Variants in CSMD1 observed in about 807,000 individuals in gnomAD.
CSMD1 encodes CUB and sushi domain-containing protein 1.
In CSMD1, 213 loss-of-function variants were observed where a neutral mutation model predicts 417.5. That is an observed-to-expected ratio of 0.51 (90% CI 0.46 to 0.57). The LOEUF (loss-of-function observed/expected upper bound fraction) is 0.57, where lower values mean the gene tolerates loss of function less well. Ranked by LOEUF, CSMD1 falls within the 20% of genes least tolerant of loss-of-function variation. The probability of loss-of-function intolerance (pLI) is 0.00; values close to 1 mark genes in which losing one functional copy is unlikely to be tolerated. For missense variants in CSMD1, 6,923 were observed against 4,529.7 expected, an observed-to-expected ratio of 1.53 and a Z score of -15.17; for synonymous variants, 2,862 against 1,736.8, an observed-to-expected ratio of 1.65 and a Z score of -16.11.
intron 3 of CSMD1, among the ~76,000 whole-genome samples, chr8:4,236,677 C>G (rs1357501200): frequency 6.6e-6 from 1 of 152,156 alleles, no homozygotes; most frequent in African/African-American, 2.4e-5. Context: ...CTTATTTAAA[C>G]TCTTCAAGCT....
intron 1 of CSMD1, among the ~76,000 whole-genome samples, chr8:4,978,428 G>C (rs1810690321): frequency 6.6e-6 from 1 of 152,110 alleles, no homozygotes; most frequent in Non-Finnish European, 1.5e-5. Context: ...GTATGTTTAA[G>C]TCAAAGAATT....
rs570465641 is a variant in CSMD1 at position 3,299,984 on chromosome 8, C to G, written c.3950+7711G>C. Among the ~76,000 whole-genome samples, 135 of 152,160 alleles carry G rather than the reference C, an allele frequency of 8.9e-4. 1 individual carries two copies. The highest frequency in any genetic ancestry group is 3.2e-3 in the African/African-American group (132 of 41,488). ...AGCAAATGCAGCTCTAGAAATTCAT[C>G]ATGAAAAGTGCCCTGGAGGTGACAC... is the stretch of plus-strand genomic sequence containing the variant. On this transcript the variant is annotated intron_variant, in intron 25 of 69. Transcript: ENST00000635120.
intron 1 of CSMD1, among the ~76,000 whole-genome samples, chr8:4,796,024 G>A (rs1190129233): frequency 2.0e-5 from 3 of 152,112 alleles, no homozygotes; most frequent in Non-Finnish European, 2.9e-5. Context: ...TAAGGGCAAG[G>A]CTTCAGGTAT....
intron 2 of CSMD1, among the ~76,000 whole-genome samples, chr8:4,521,770 A>C (rs545536779): frequency 6.6e-6 from 1 of 152,276 alleles, no homozygotes; most frequent in East Asian, 1.9e-4. Flanking sequence ...AAAGCTCTTC[A>C]CTGGATACTT....
At position 3,531,597 on chromosome 8, in the gene CSMD1, G is replaced by A. The variant is rs147673385; in HGVS notation, c.1345-37871C>T. Among the ~76,000 whole-genome samples, 233 of 152,290 alleles carry A rather than the reference G, an allele frequency of 1.5e-3. 1 individual carries two copies. The highest frequency in any genetic ancestry group is 4.6e-3 in the African/African-American group (190 of 41,560). On this transcript the variant is annotated intron_variant, in intron 10 of 69. Coordinates refer to ENST00000635120, the MANE Select transcript of CSMD1 (RefSeq NM_033225.6). ...CAGGTTCCATCTGTGGTCTGGCCCC[G>A]TGGGAGGCTGGTCCACTCCAGGTTA...
chr8:3,300,939 A>G (rs1804345647), intron 25 of CSMD1, among the ~76,000 whole-genome samples: 1 of 139,042 alleles, frequency 7.2e-6, no homozygotes, highest in Non-Finnish European at 1.5e-5. Context: ...AGCCTGGACA[A>G]CAGAGTGAGA....
At chr8:4,497,365 CA>C (rs1353465731) in intron 2 of CSMD1, among the ~76,000 whole-genome samples, 2 of 152,114 alleles carry the variant, frequency 1.3e-5, no homozygotes, top group African/African-American at 2.4e-5. Flanking sequence ...CCTGGCACTA[CA>C]AAAAAATCAA....
At chr8:4,029,734 T>G (rs1188524427) in intron 4 of CSMD1, among the ~76,000 whole-genome samples, 1 of 152,164 alleles carries the variant, frequency 6.6e-6, no homozygotes, top group East Asian at 1.9e-4. Context: ...CTTAACTTAT[T>G]TCAGCATTAA....
At chr8:4,497,689 C>T (rs758076704) in intron 2 of CSMD1, among the ~76,000 whole-genome samples, 2 of 152,152 alleles carry the variant, frequency 1.3e-5, no homozygotes, top group African/African-American at 4.8e-5. Context: ...AAAGGGAAGG[C>T]AGAGCATAAA....
At chr8:4,795,554 A>G (rs4875386) in intron 1 of CSMD1, among the ~76,000 whole-genome samples, 140,639 of 151,938 alleles carry the variant, frequency 0.93, 65,222 homozygotes, top group East Asian at 1. Context: ...GAGCCACCGC[A>G]CCCGGCCAGC....
intron 37 of CSMD1, among the ~76,000 whole-genome samples, chr8:3,180,231 A>C (rs1300491412): frequency 2.0e-5 from 3 of 152,242 alleles, no homozygotes; most frequent in Admixed American, 2.0e-4. Flanking sequence ...TGTGAATCTG[A>C]CCTTTGTCAT....
chr8:3,315,964 T>C (rs575223930), intron 23 of CSMD1, among the ~76,000 whole-genome samples: 2 of 152,312 alleles, frequency 1.3e-5, no homozygotes, highest in African/African-American at 2.4e-5. Context: ...GGTCAAATAG[T>C]TAATATCAAT....
intron 65 of CSMD1, 111 bp from the exon 66 acceptor site, chr8:2,951,386 G>T: frequency 1.8e-6 from 2 of 1,137,528 alleles, no homozygotes; most frequent in Non-Finnish European, 2.4e-6. Flanking sequence ...ACAGATGAGG[G>T]CAGTGATGAA....
At chr8:4,020,334 C>G (rs1366500348) in intron 4 of CSMD1, among the ~76,000 whole-genome samples, 2 of 152,172 alleles carry the variant, frequency 1.3e-5, no homozygotes, top group African/African-American at 4.8e-5. Flanking sequence ...CACTTTAATC[C>G]CCTTCTTTCT....
At chr8:4,061,237 G>C (rs1183796198) in intron 3 of CSMD1, among the ~76,000 whole-genome samples, 1 of 152,136 alleles carries the variant, frequency 6.6e-6, no homozygotes, top group African/African-American at 2.4e-5. Flanking sequence ...AGAGGAAAGA[G>C]GAGCTGTTCT....
chr8:3,284,164 C>T lies in CSMD1; in HGVS notation c.4133G>A (p.Gly1378Asp). The part of the protein sequence containing the change: ...FDSDFFISKS[G>D]FSIQFSTSIA... The stretch of plus-strand genomic sequence containing the variant: ...CCTACTGGAGAACTGGATGGAGAAG[C>T]CAGACTTGCTGATGAAGAAGTCGCT... Residue 1378 changes from glycine to aspartate, a missense_variant, in exon 26 of 70, where the codon GGC becomes GAC. By Grantham distance (94) the Gly-to-Asp change is moderately conservative. Coordinates refer to ENST00000635120, the MANE Select transcript of CSMD1 (RefSeq NM_033225.6). 1 of 1,572,966 alleles carries T rather than the reference C, an allele frequency of 6.4e-7. No individual in the cohort carries two copies. Among genetic ancestry groups the T allele is most frequent in the Non-Finnish European group, 8.6e-7 (1 of 1,159,518 alleles).
chr8:3,284,984 G>C (rs372719887), intron 25 of CSMD1, among the ~76,000 whole-genome samples: 4 of 152,094 alleles, frequency 2.6e-5, no homozygotes, highest in African/African-American at 9.7e-5. Flanking sequence ...ATTTTTCAGA[G>C]TGACTTAAAA....
chr8:3,674,451 T>A (rs970503879), intron 7 of CSMD1, among the ~76,000 whole-genome samples: 1 of 152,154 alleles, frequency 6.6e-6, no homozygotes, highest in African/African-American at 2.4e-5. Flanking sequence ...ATGGCTATTA[T>A]CATTATTATT....
At chr8:3,179,416 A>C (rs913230684) in intron 37 of CSMD1, among the ~76,000 whole-genome samples, 6 of 152,214 alleles carry the variant, frequency 3.9e-5, no homozygotes, top group Non-Finnish European at 8.8e-5. Context: ...TAAAAAATAC[A>C]TTAAATAATT....
Sources: gnomAD v4.1 joint callset for allele counts (sites outside exome capture counted in the v4.1 genomes callset) on GRCh38, gnomAD v4.1.1 for gene constraint, MANE v1.5 for transcripts, NCBI Gene and HGNC (gene_info 2026-07-23, HGNC 2026-07-21) for gene names.